PRDM9: variants seen among roughly 807,000 people sequenced by gnomAD.
PRDM9 encodes the protein PR/SET domain 9.
In PRDM9, 47 loss-of-function variants were observed where a neutral mutation model predicts 55.6. That is an observed-to-expected ratio of 0.85 (90% CI 0.67 to 1.08). The LOEUF is 1.08. PRDM9 is among the 50% of genes least tolerant of loss of function. The probability of loss-of-function intolerance (pLI) is 0.00; values close to 1 mark genes in which losing one functional copy is unlikely to be tolerated. For synonymous variants in PRDM9, 312 were observed against 375.7 expected, an observed-to-expected ratio of 0.83 and a Z score of 1.96; for missense variants, 867 against 1,040.3, an observed-to-expected ratio of 0.83 and a Z score of 2.29.
chr5:23,507,480 G>C (rs1402938553), upstream of PRDM9: 1 of 152,300 alleles, frequency 6.6e-6, no homozygotes, highest in Non-Finnish European at 1.5e-5. Flanking sequence ...TGACAGGCAA[G>C]GCTCCGCCCT....
chr5:23,515,451 C>G (rs893185323), intron 4 of PRDM9, among the ~76,000 whole-genome samples: 5 of 152,174 alleles, frequency 3.3e-5, no homozygotes, highest in Non-Finnish European at 2.9e-5. Flanking sequence ...ATATTTTCTT[C>G]CACTCTGTAG....
chr5:23,526,861 G>C lies in PRDM9; in HGVS notation c.1773G>C (p.Trp591Cys). 1 of 1,589,634 alleles carries C rather than the reference G, an allele frequency of 6.3e-7. No individual in the cohort carries two copies. Among genetic ancestry groups the C allele is most frequent in the Non-Finnish European group, 8.6e-7 (1 of 1,169,242 alleles). The change falls in exon 11 of 11, where the codon TGG (tryptophan) becomes TGC (cysteine). Residue 591 changes from tryptophan (W) to cysteine (C), a missense_variant. Around this residue, in one of 5 missense-constraint regions of PRDM9, gnomAD observed 662 missense variants for 711.9 expected, o/e 0.93. Coordinates refer to ENST00000296682, the MANE Select transcript of PRDM9 (RefSeq NM_020227.4). ...GGGAGTGTGGGCGGGGCTTTAGCTG[G>C]CAGTCAGTCCTCCTCACTCACCAGA... ...VCRECGRGFS[W>C]QSVLLTHQRT... is the part of the protein sequence containing the mutation.
chr5:23,524,066 G>A (rs1299956904), intron 9 of PRDM9, among the ~76,000 whole-genome samples: 3 of 152,216 alleles, frequency 2.0e-5, no homozygotes, highest in Admixed American at 6.5e-5. Context: ...CAAGGTGGAG[G>A]TAAGTCTGGA....
chr5:23,510,129 A>G (rs1253147362), intron 4 of PRDM9, 102 bp downstream of exon 4: 3 of 1,163,736 alleles, frequency 2.6e-6, no homozygotes, highest in East Asian at 5.3e-5. Context: ...ATCTTGGCTC[A>G]CTGCAATCTC....
At chr5:23,508,313 G>T (rs1333571629) in intron 1 of PRDM9, among the ~76,000 whole-genome samples, 3 of 151,804 alleles carry the variant, frequency 2.0e-5, no homozygotes, top group Admixed American at 1.3e-4. Context: ...AAAAACCACA[G>T]ATACTATCAG....
intron 4 of PRDM9, among the ~76,000 whole-genome samples, chr5:23,512,362 T>C (rs1161884344): frequency 6.6e-6 from 1 of 152,096 alleles, no homozygotes; most frequent in African/African-American, 2.4e-5. Flanking sequence ...TAGGAGAGTT[T>C]AGAAGTAAAA....
chr5:23,527,781 G>A lies in PRDM9; in HGVS notation c.*8G>A. 1 of 1,614,114 alleles carries A rather than the reference G, an allele frequency of 6.2e-7. No individual in the cohort carries two copies. Among genetic ancestry groups the A allele is most frequent in the Non-Finnish European group, 8.5e-7 (1 of 1,179,996 alleles). ...TGCAGGGAGGATGAGTAAGTCATTA[G>A]TAATAAAACCTCATCTCAATAGCCA... On this transcript the variant is annotated 3_prime_UTR_variant, in exon 11 of 11. Transcript: ENST00000296682.
chr5:23,522,346 GAGAA>G lies in PRDM9; in HGVS notation c.558_561del (p.Lys187ValfsTer38). The stretch of plus-strand genomic sequence containing the variant: ...ACTGAAAGAAAGATGTATAGCCTGC[GAGAA>G]AGAAAGGGTCATGCATACAAAGAGG... On this transcript the variant is annotated frameshift_variant, in exon 7 of 11. Coordinates refer to ENST00000296682, the MANE Select transcript of PRDM9 (RefSeq NM_020227.4). LOFTEE classifies it high-confidence loss of function. The G allele has an allele frequency of 6.2e-7, 1 of 1,614,098 alleles. No individual in the cohort carries two copies. The highest frequency in any genetic ancestry group is 8.5e-7 in the Non-Finnish European group (1 of 1,180,010).
At chr5:23,520,828 G>C (rs777666238) in intron 5 of PRDM9, among the ~76,000 whole-genome samples, 195 bp from the exon 6 acceptor site, 1 of 152,156 alleles carries the variant, frequency 6.6e-6, no homozygotes, top group African/African-American at 2.4e-5. Context: ...TTGAAGGAAA[G>C]AGCCTTAAGA....
Sources: gnomAD v4.1 joint callset for allele counts (sites outside exome capture counted in the v4.1 genomes callset) on GRCh38, gnomAD v4.1.1 for gene constraint, gnomAD v4.1.1 regional missense constraint, MANE v1.5 for transcripts, NCBI Gene and HGNC (gene_info 2026-07-23, HGNC 2026-07-21) for gene names.